Variants in SRBD1 observed in about 807,000 individuals in gnomAD.
The protein encoded by SRBD1 is S1 RNA-binding domain-containing protein 1.
SRBD1 carries 88 observed loss-of-function variants against 115.3 expected under a neutral mutation model. The ratio of observed to expected loss-of-function variants is 0.76; its 90% CI spans 0.64 to 0.91. The LOEUF is 0.91. Ranked by LOEUF, SRBD1 falls within the 40% of genes least tolerant of loss-of-function variation. SRBD1 has a pLI of 0.00. For synonymous variants in SRBD1, 509 were observed against 407.7 expected (o/e 1.25, Z -2.99); for missense variants, 1,385 against 1,177.4 (o/e 1.18, Z -2.58).
In SRBD1 at chr2:45,435,768, C is replaced by A. The variant is rs577327673; in HGVS notation, c.2050-15874G>T. Among the ~76,000 whole-genome samples, 247 of 152,166 alleles carry A rather than the reference C, an allele frequency of 1.6e-3. 1 individual carries two copies. Among genetic ancestry groups the A allele is most frequent in the African/African-American group, 5.7e-3 (238 of 41,498 alleles). On this transcript the variant is annotated intron_variant, in intron 16 of 20. Transcript: ENST00000263736. ...TGGAGAAAGGATTACACTACCCCCACCCTAACAAAATTTTAAAAAATAATC... is the reference window on the plus strand; with the variant it reads ...TGGAGAAAGGATTACACTACCCCCAACCTAACAAAATTTTAAAAAATAATC...
chr2:45,573,462 G>T, intron 8 of SRBD1, 120 bp from the exon 9 acceptor site: 2 of 1,162,008 alleles, frequency 1.7e-6, no homozygotes, highest in Non-Finnish European at 2.3e-6. Context: ...TTTTTTTAAT[G>T]ATGCCCAGCT....
intron 1 of SRBD1, among the ~76,000 whole-genome samples, chr2:45,606,157 C>CTTTT (rs71394845): frequency 8.6e-6 from 1 of 116,770 alleles, no homozygotes; most frequent in Non-Finnish European, 1.8e-5. Context: ...TTTTCCTATT[C>CTTTT]TTTTTTTTTT....
intron 16 of SRBD1, among the ~76,000 whole-genome samples, chr2:45,424,064 T>A (rs1668082700): frequency 6.6e-6 from 1 of 152,146 alleles, no homozygotes; most frequent in Non-Finnish European, 1.5e-5. Flanking sequence ...GACTTACATA[T>A]CCATAATACA....
intron 19 of SRBD1, among the ~76,000 whole-genome samples, chr2:45,395,604 A>T (rs1351168107): frequency 6.6e-6 from 1 of 152,182 alleles, no homozygotes; most frequent in Non-Finnish European, 1.5e-5. Flanking sequence ...ATATTGATCA[A>T]CCTATTTTTA....
At chr2:45,571,281 GT>G (rs1182307139) in intron 9 of SRBD1, among the ~76,000 whole-genome samples, 5 of 151,818 alleles carry the variant, frequency 3.3e-5, no homozygotes, top group South Asian at 4.1e-4. Flanking sequence ...GGTTTATTTT[GT>G]TTTTGTTTTT....
chr2:45,579,845 A>G (rs368975648), intron 7 of SRBD1, 30 bp downstream of exon 7: 5 of 1,491,888 alleles, frequency 3.4e-6, no homozygotes, highest in Non-Finnish European at 3.6e-6. Flanking sequence ...AAAAAGAAAC[A>G]AAGTTGATCT....
chr2:45,493,139 A>C (rs2103869330), intron 14 of SRBD1, among the ~76,000 whole-genome samples: 1 of 152,332 alleles, frequency 6.6e-6, no homozygotes, highest in Admixed American at 6.5e-5. Flanking sequence ...AGCTCATCTC[A>C]AAGTTTTAAA....
Position 45,510,459 on chromosome 2 carries a change from C to T in SRBD1, c.1875-22128G>A, listed in dbSNP as rs114223497. The stretch of plus-strand genomic sequence containing the variant: ...ACAAAGATTAGAATTTACTGCATTA[C>T]CCTCTAAAATACAGAAAAATCTTTC... On this transcript the variant is annotated intron_variant, in intron 14 of 20. Transcript: ENST00000263736. Among the ~76,000 whole-genome samples, 449 of 152,278 alleles carry T rather than the reference C, an allele frequency of 2.9e-3. 1 individual carries two copies. The highest frequency in any genetic ancestry group is 3.0e-3 in the Non-Finnish European group (205 of 68,010).
At chr2:45,545,113 T>C (rs1403971268) in intron 14 of SRBD1, among the ~76,000 whole-genome samples, 6 of 151,670 alleles carry the variant, frequency 4.0e-5, no homozygotes, top group Admixed American at 3.3e-4. Flanking sequence ...ACTCCATCTC[T>C]ACTAAAAATA....
rs869156250 is a variant in SRBD1, at chr2:45,549,299, GT to G, written c.1676-1688del. Among the ~76,000 whole-genome samples the G allele has an allele frequency of 1.2e-4, 16 of 132,218 alleles. 1 individual carries two copies. Among genetic ancestry groups the G allele is most frequent in the South Asian group, 2.4e-4 (1 of 4,164 alleles). 86.7% of individuals were successfully genotyped at this position (132,218 alleles called of 152,430 possible). A position where few individuals can be genotyped will look rare whatever the true frequency, so the allele number is the denominator to read the frequency against. ...TAAACTATCTCTCAATCCACACAGA[GT>G]TTTTTTTTTTAATGATTTGGAAAAA... On this transcript the variant is annotated intron_variant, in intron 12 of 20. Coordinates refer to ENST00000263736, the MANE Select transcript of SRBD1 (RefSeq NM_018079.5).
intron 14 of SRBD1, among the ~76,000 whole-genome samples, chr2:45,544,972 C>T (rs1480574983): frequency 6.6e-6 from 1 of 152,008 alleles, no homozygotes; most frequent in Non-Finnish European, 1.5e-5. Context: ...ACCTACATAA[C>T]TAGTAAATGA....
chr2:45,570,287 T>C (rs962154391), intron 9 of SRBD1, among the ~76,000 whole-genome samples: 1 of 152,216 alleles, frequency 6.6e-6, no homozygotes, highest in Non-Finnish European at 1.5e-5. Context: ...AATATAATTG[T>C]AGGGCTGAGA....
chr2:45,519,195 AG>A (rs1231875542), intron 14 of SRBD1, among the ~76,000 whole-genome samples: 1 of 152,186 alleles, frequency 6.6e-6, no homozygotes, highest in Non-Finnish European at 1.5e-5. Flanking sequence ...CAAAATGTTT[AG>A]TTTTTATAGA....
At position 45,605,430 on chromosome 2, in the gene SRBD1, C is replaced by T; in HGVS notation, c.12G>A (p.Leu4=). The change falls in exon 2 of 21, where the codon TTG becomes TTA. Residue 4 remains leucine, a synonymous_variant. Transcript: ENST00000263736. MSS[L]PRRAKVQVQD... The stretch of plus-strand genomic sequence containing the variant: ...GGACCTGTACTTTCGCTCTTCTTGG[C>T]AATGATGACATCTAGAAGAAACAGA... The T allele has an allele frequency of 6.2e-7, 1 of 1,613,358 alleles. No homozygotes were observed. Among genetic ancestry groups the T allele is most frequent in the South Asian group, 1.1e-5 (1 of 91,036 alleles).
chr2:45,466,923 G>C (rs1046328339), intron 16 of SRBD1, among the ~76,000 whole-genome samples: 2 of 152,190 alleles, frequency 1.3e-5, no homozygotes, highest in African/African-American at 4.8e-5. Context: ...TATCACCTGA[G>C]TGCTTCCTAG....
At chr2:45,456,310 A>C (rs977039005) in intron 16 of SRBD1, among the ~76,000 whole-genome samples, 1 of 151,926 alleles carries the variant, frequency 6.6e-6, no homozygotes, top group African/African-American at 2.4e-5. Flanking sequence ...GACCGAGGTG[A>C]GAGACTGAAA....
At chr2:45,600,367 T>A (rs771119373) in intron 3 of SRBD1, among the ~76,000 whole-genome samples, 13 of 152,324 alleles carry the variant, frequency 8.5e-5, no homozygotes, top group Middle Eastern at 3.4e-3. Flanking sequence ...CCATTGCATG[T>A]CAACTATTTA....
chr2:45,446,561 C>A (rs1413721177), intron 16 of SRBD1, among the ~76,000 whole-genome samples: 2 of 152,016 alleles, frequency 1.3e-5, no homozygotes, highest in Admixed American at 1.3e-4. Flanking sequence ...TCCTAACAGT[C>A]CAATATTGAA....
At chr2:45,540,332 G>C (rs1455399607) in intron 14 of SRBD1, among the ~76,000 whole-genome samples, 4 of 146,558 alleles carry the variant, frequency 2.7e-5, no homozygotes, top group Admixed American at 1.4e-4. Context: ...CAGAGAGAGA[G>C]TCCATCTTAA....
Sources: gnomAD v4.1 joint callset for allele counts (sites outside exome capture counted in the v4.1 genomes callset) on GRCh38, gnomAD v4.1.1 for gene constraint, MANE v1.5 for transcripts, NCBI Gene and HGNC (gene_info 2026-07-23, HGNC 2026-07-21) for gene names.